Variants in MARCHF8 observed in about 807,000 individuals in gnomAD.
The protein encoded by MARCHF8 is membrane associated ring-CH-type finger 8.
A neutral mutation model predicts 51.6 loss-of-function variants in MARCHF8; 40 were observed. The observed-to-expected ratio is 0.77, with a 90% confidence interval of 0.60 to 1.01. The LOEUF is 1.01. MARCHF8 is among the 50% of genes least tolerant of loss of function. The pLI is 0.00. For missense variants in MARCHF8, 685 were observed against 708.6 expected, an observed-to-expected ratio of 0.97 and a Z score of 0.38; for synonymous variants, 263 against 280.3, an observed-to-expected ratio of 0.94 and a Z score of 0.62.
intron 5 of MARCHF8, 100 bp from the exon 6 acceptor site, chr10:45,461,511 G>C (rs746656589): frequency 9.9e-7 from 1 of 1,013,296 alleles, no homozygotes. Context: ...ACTCAGAAAC[G>C]AACATTACAG....
intron 4 of MARCHF8, 121 bp from the exon 5 acceptor site, chr10:45,464,117 C>T: frequency 6.5e-7 from 1 of 1,532,558 alleles, no homozygotes; most frequent in Non-Finnish European, 8.9e-7. Context: ...ACACATAAAA[C>T]TCGCCAACTG....
intron 2 of MARCHF8, among the ~76,000 whole-genome samples, chr10:45,510,879 G>A (rs949613841): frequency 6.6e-6 from 1 of 152,288 alleles, no homozygotes; most frequent in Admixed American, 6.5e-5. Flanking sequence ...AGTTAATGAA[G>A]ATGACCCCTT....
chr10:45,537,583 G>A (rs943987134), upstream of MARCHF8, among the ~76,000 whole-genome samples: 1 of 151,518 alleles, frequency 6.6e-6, no homozygotes, highest in Non-Finnish European at 1.5e-5. Context: ...AGCCCAGAAG[G>A]TTGAGGCTAC....
intron 2 of MARCHF8, among the ~76,000 whole-genome samples, chr10:45,490,194 CTG>C (rs765389917): frequency 6.6e-6 from 1 of 152,214 alleles, no homozygotes; most frequent in African/African-American, 2.4e-5. Flanking sequence ...ATGGGCTAAA[CTG>C]TGTATTCCCC....
At position 45,544,247 on chromosome 10, in the gene MARCHF8, T is replaced by C. The variant is rs143504117; in HGVS notation, c.-78-10958A>G. Among the ~76,000 whole-genome samples the C allele has an allele frequency of 2.6e-5, 4 of 152,244 alleles. No homozygotes were observed. In the East Asian group the frequency reaches 7.7e-4, roughly 29 times the overall value. ...TACTAATTGTTTGATATAGAAAAAA[T>C]TAGATCTCTCATGTATTGCTGGTGA... is the stretch of plus-strand genomic sequence containing the variant. On this transcript the variant is annotated intron_variant, in intron 1 of 6. Transcript: ENST00000319836.
intron 2 of MARCHF8, among the ~76,000 whole-genome samples, chr10:45,513,268 T>C (rs887680883): frequency 1.8e-4 from 27 of 152,116 alleles, no homozygotes; most frequent in African/African-American, 6.5e-4. Flanking sequence ...TATAACACTG[T>C]AACTGCTTCC....
chr10:45,512,132 G>T (rs981258989), intron 2 of MARCHF8, among the ~76,000 whole-genome samples: 1 of 130,634 alleles, frequency 7.7e-6, no homozygotes, highest in Non-Finnish European at 1.6e-5. Flanking sequence ...GCCCAGCCGC[G>T]ACCCCGTCTG....
At chr10:45,478,350 C>T (rs1303351180) in intron 3 of MARCHF8, among the ~76,000 whole-genome samples, 2 of 151,964 alleles carry the variant, frequency 1.3e-5, no homozygotes, top group African/African-American at 2.4e-5. Flanking sequence ...AAATAAAAAT[C>T]GAAATACAAC....
intron 1 of MARCHF8, among the ~76,000 whole-genome samples, chr10:45,585,074 C>T (rs1259918161): frequency 6.6e-6 from 1 of 152,150 alleles, no homozygotes; most frequent in East Asian, 1.9e-4. Context: ...GATAACCCAG[C>T]CAAGCCTACT....
intron 3 of MARCHF8, among the ~76,000 whole-genome samples, chr10:45,472,050 C>A (rs184911997): frequency 2.6e-5 from 4 of 152,194 alleles, no homozygotes; most frequent in Non-Finnish European, 5.9e-5. Context: ...CCCTGAGCCG[C>A]GGAGTATACT....
intron 2 of MARCHF8, among the ~76,000 whole-genome samples, chr10:45,511,321 A>G (rs949743542): frequency 1.3e-5 from 2 of 152,182 alleles, no homozygotes; most frequent in East Asian, 1.9e-4. Context: ...AATCTATGTC[A>G]ATATAAGTCA....
chr10:45,546,165 T>G (rs942857506), intron 1 of MARCHF8, among the ~76,000 whole-genome samples: 3 of 151,712 alleles, frequency 2.0e-5, no homozygotes, highest in Non-Finnish European at 2.9e-5. Context: ...TTTATTTATT[T>G]ATTTATTTAT....
chr10:45,579,962 G>A (rs1382237975), intron 1 of MARCHF8, among the ~76,000 whole-genome samples: 10 of 121,642 alleles, frequency 8.2e-5, no homozygotes, highest in African/African-American at 2.9e-4. Flanking sequence ...GCAGTGAGCC[G>A]AGATCATACC....
chr10:45,460,909 C>G (rs186026931), intron 6 of MARCHF8, among the ~76,000 whole-genome samples: 2 of 152,272 alleles, frequency 1.3e-5, no homozygotes, highest in East Asian at 3.9e-4. Flanking sequence ...AGGACGTCAA[C>G]AGTTAATATG....
intron 1 of MARCHF8, among the ~76,000 whole-genome samples, chr10:45,574,384 G>C (rs904549471): frequency 6.6e-6 from 1 of 152,074 alleles, no homozygotes; most frequent in Non-Finnish European, 1.5e-5. Flanking sequence ...CTACCCCGTG[G>C]TGCCAAACCC....
At chr10:45,500,613 G>T (rs2043261511) in intron 2 of MARCHF8, among the ~76,000 whole-genome samples, 2 of 151,918 alleles carry the variant, frequency 1.3e-5, no homozygotes, top group South Asian at 4.2e-4. Flanking sequence ...TCTATTCCCA[G>T]TTTCTTGAAT....
At chr10:45,493,662 T>C (rs1025484666) in intron 2 of MARCHF8, among the ~76,000 whole-genome samples, 22 of 152,226 alleles carry the variant, frequency 1.4e-4, no homozygotes, top group Non-Finnish European at 2.8e-4. Context: ...CTCAGATTTC[T>C]GCATTTCCAA....
chr10:45,482,612 G>C (rs764014363), intron 3 of MARCHF8, among the ~76,000 whole-genome samples: 1 of 152,184 alleles, frequency 6.6e-6, no homozygotes, highest in Non-Finnish European at 1.5e-5. Context: ...AAATTAGCCA[G>C]GTTTGGTGGT....
upstream of MARCHF8, among the ~76,000 whole-genome samples, chr10:45,539,488 T>C (rs559242034): frequency 2.0e-5 from 3 of 152,078 alleles, no homozygotes; most frequent in East Asian, 3.9e-4. Flanking sequence ...GTGAAGGAAA[T>C]AGAGACACAA....
Sources: gnomAD v4.1 joint callset for allele counts (sites outside exome capture counted in the v4.1 genomes callset) on GRCh38, gnomAD v4.1.1 for gene constraint, MANE v1.5 for transcripts, NCBI Gene and HGNC (gene_info 2026-07-23, HGNC 2026-07-21) for gene names.